The following YEATS4 variants were observed in gnomAD, a reference collection of about 807,000 sequenced individuals.
The protein encoded by YEATS4 is YEATS domain-containing protein 4.
YEATS4 carries 17 observed loss-of-function variants against 30.1 expected under a neutral mutation model. The observed-to-expected ratio is 0.56, with a 90% CI of 0.39 to 0.85. YEATS4 has a LOEUF of 0.85. YEATS4 is among the 40% of genes least tolerant of loss of function. The probability of loss-of-function intolerance (pLI) is 0.00; values close to 1 mark genes in which losing one functional copy is unlikely to be tolerated. For synonymous variants in YEATS4, 85 were observed against 87.5 expected (o/e 0.97, Z 0.16); for missense variants, 142 against 268.3 (o/e 0.53, Z 3.29).
At chr12:69,410,242 G>A in the YEATS4 span, among the ~76,000 whole-genome samples, 19,041 of 152,048 alleles carry the variant, frequency 0.13, 1,520 homozygotes, top group East Asian at 0.38. Context: ...TTTGCCATTT[G>A]CAGTCACTCC....
At chr12:69,391,478 A>G (rs1159683966), downstream of YEATS4, among the ~76,000 whole-genome samples, 1 of 152,180 alleles carries the variant, frequency 6.6e-6, no homozygotes, top group Non-Finnish European at 1.5e-5. Flanking sequence ...CTTTAAAGGT[A>G]TGTTGGCTGA....
At position 69,359,777 on chromosome 12, in the gene YEATS4, G is replaced by C. The variant is rs146022080; in HGVS notation, c.-196G>C. 2.2e-5 allele frequency: 14 copies of C among 624,044 alleles called. No individual in the cohort carries two copies. The African/African-American group carries it at 2.5e-4, about 11-fold the overall frequency. The allele number at this position is 624,044 out of a possible 1,614,324, so 38.7% of individuals were successfully genotyped here. ...CGGCGTTCTCCACCTGCGCGGGCCT[G>C]AATGGCCTTCAGGAGCACAGTCGGC... On this transcript the variant is annotated 5_prime_UTR_variant, in exon 1 of 7. Transcript: ENST00000247843.
chr12:69,400,179 C>T, the YEATS4 span, among the ~76,000 whole-genome samples: 1 of 151,834 alleles, frequency 6.6e-6, no homozygotes, highest in Non-Finnish European at 1.5e-5. Flanking sequence ...TTATGTGCCC[C>T]ATACTCAAGA....
In YEATS4 at chr12:69,390,169, C is replaced by T; in HGVS notation, c.537C>T (p.Thr179=). Residue 179 remains threonine, a synonymous_variant, in exon 7 of 7, where the codon ACC becomes ACT. Transcript: ENST00000247843. ...ETEFAELEVK[T]REKLEAAKKK... is the part of the protein sequence containing the mutation. ...TAGTTGCAGAGCTTGAAGTGAAAAC[C>T]AGAGAAAAATTAGAAGCTGCTAAGA... The T allele has an allele frequency of 6.3e-7, 1 of 1,582,730 alleles. No homozygotes were observed. Among genetic ancestry groups the T allele is most frequent in the Non-Finnish European group, 8.5e-7 (1 of 1,171,528 alleles).
chr12:69,389,120 G>T lies in YEATS4; in HGVS notation c.515-1027G>T, dbSNP rs185805187. Among the ~76,000 whole-genome samples the T allele has an allele frequency of 5.9e-5, 9 of 152,294 alleles. No homozygotes were observed. The East Asian group carries it at 1.7e-3, about 29-fold the overall frequency. On this transcript the variant is annotated intron_variant, in intron 6 of 6. Transcript: ENST00000247843. ...GTTATTGCCACCTATTTGAAAAAAA[G>T]ATATTGGCTTGTATTGATAGTGTGA...
chr12:69,391,273 G>A (rs968077069), downstream of YEATS4, among the ~76,000 whole-genome samples: 4 of 151,650 alleles, frequency 2.6e-5, no homozygotes, highest in African/African-American at 7.3e-5. Flanking sequence ...CAGCCTGGGC[G>A]GCAGAATGAG....
chr12:69,363,242 C>T (rs1875301670), intron 2 of YEATS4, among the ~76,000 whole-genome samples: 1 of 151,946 alleles, frequency 6.6e-6, no homozygotes, highest in Non-Finnish European at 1.5e-5. Context: ...ATCCACCCGC[C>T]TCGGCCTCCC....
chr12:69,363,402 C>A (rs1875310580), intron 2 of YEATS4, among the ~76,000 whole-genome samples: 1 of 152,102 alleles, frequency 6.6e-6, no homozygotes, highest in Non-Finnish European at 1.5e-5. Context: ...TCATATGATA[C>A]TAGAAATCAA....
intron 6 of YEATS4, among the ~76,000 whole-genome samples, chr12:69,374,978 C>T (rs1592853116): frequency 6.8e-6 from 1 of 147,232 alleles, no homozygotes; most frequent in South Asian, 2.1e-4. Flanking sequence ...CCCCCCACCT[C>T]CCAGACAGGG....
chr12:69,360,388 G>T (rs1263942244), intron 1 of YEATS4, among the ~76,000 whole-genome samples: 1 of 152,176 alleles, frequency 6.6e-6, no homozygotes, highest in Non-Finnish European at 1.5e-5. Flanking sequence ...CCCTCCTGGT[G>T]TGAGGATAAC....
the YEATS4 span, among the ~76,000 whole-genome samples, chr12:69,419,606 C>T: frequency 1.3e-5 from 2 of 152,088 alleles, no homozygotes; most frequent in Admixed American, 6.6e-5. Context: ...TCTTTGTATG[C>T]CAGGCCCCGG....
At chr12:69,360,164 T>C in intron 1 of YEATS4, 141 bp downstream of exon 1, 1 of 956,774 alleles carries the variant, frequency 1.0e-6, no homozygotes, top group Non-Finnish European at 1.5e-6. Context: ...GGAGAGCGAG[T>C]CAGAGCCATT....
Position 69,375,078 on chromosome 12 carries a change from C to T in YEATS4, c.514+4103C>T, listed in dbSNP as rs563360465. ...CCCACCTCCCGGAGGGGGCGGCTGC[C>T]GGGCGGAGACGCTCCTCACTTCCCT... is the stretch of plus-strand genomic sequence containing the variant. On this transcript the variant is annotated intron_variant, in intron 6 of 6. Coordinates refer to ENST00000247843, the MANE Select transcript of YEATS4 (RefSeq NM_006530.4). Among the ~76,000 whole-genome samples the T allele has an allele frequency of 6.7e-3, 1,017 of 151,040 alleles. 18 individuals are homozygous for T. Among genetic ancestry groups the T allele is most frequent in the African/African-American group, 0.023 (931 of 41,090 alleles).
chr12:69,375,726 C>T (rs911914589), intron 6 of YEATS4, among the ~76,000 whole-genome samples: 34 of 152,190 alleles, frequency 2.2e-4, no homozygotes, highest in Non-Finnish European at 1.3e-4. Flanking sequence ...CACGGCGAAA[C>T]CCCGTCTCCA....
At position 69,374,989 on chromosome 12, in the gene YEATS4, C is replaced by T. The variant is rs539391739; in HGVS notation, c.514+4014C>T. ...GGCGCCCCCCACCTCCCAGACAGGGCGGCGGCCGGGCGGGGGCTGCCCCCA... is the reference window on the plus strand; with the variant it reads ...GGCGCCCCCCACCTCCCAGACAGGGTGGCGGCCGGGCGGGGGCTGCCCCCA... On this transcript the variant is annotated intron_variant, in intron 6 of 6. Transcript: ENST00000247843. Among the ~76,000 whole-genome samples, 46 of 114,112 alleles carry T rather than the reference C, an allele frequency of 4.0e-4. No homozygotes were observed. In the East Asian group the frequency reaches 5.6e-3, roughly 14 times the overall value. 74.9% of individuals were successfully genotyped at this position (114,112 alleles called of 152,430 possible). A position where few individuals can be genotyped will look rare whatever the true frequency, so the allele number is the denominator to read the frequency against.
chr12:69,359,796 A>T lies in YEATS4; in HGVS notation c.-177A>T. Reference sequence around the variant, plus strand: ...GGGCCTGAATGGCCTTCAGGAGCACAGTCGGCCTGAGGAGTTGACGGTTAC... The same window carrying T: ...GGGCCTGAATGGCCTTCAGGAGCACTGTCGGCCTGAGGAGTTGACGGTTAC... On this transcript the variant is annotated 5_prime_UTR_variant, in exon 1 of 7. Transcript: ENST00000247843. The T allele has an allele frequency of 1.5e-6, 1 of 679,990 alleles. No individual in the cohort carries two copies. The highest frequency in any genetic ancestry group is 2.4e-6 in the Non-Finnish European group (1 of 414,500). The allele number at this position is 679,990 out of a possible 1,614,324, so 42.1% of individuals were successfully genotyped here.
At chr12:69,394,371 A>G (rs913298940), downstream of YEATS4, among the ~76,000 whole-genome samples, 1 of 152,252 alleles carries the variant, frequency 6.6e-6, no homozygotes, top group Non-Finnish European at 1.5e-5. Context: ...ATCATTAAGG[A>G]AAACAAATGA....
chr12:69,359,847 G>C lies in YEATS4; in HGVS notation c.-126G>C. ...TCACCGCCGTGAGCCCAAGTAACTCGCCCTCCTTCGGCTAGAAACCCTCCG... is the reference window on the plus strand; with the variant it reads ...TCACCGCCGTGAGCCCAAGTAACTCCCCCTCCTTCGGCTAGAAACCCTCCG... On this transcript the variant is annotated 5_prime_UTR_variant, in exon 1 of 7. Transcript: ENST00000247843. 8.6e-7 allele frequency: 1 copy of C among 1,156,842 alleles called. No homozygotes were observed. The highest frequency in any genetic ancestry group is 1.2e-6 in the Non-Finnish European group (1 of 819,466). The allele number at this position is 1,156,842 out of a possible 1,614,324, so 71.7% of individuals were successfully genotyped here.
rs1868301416 is a variant in YEATS4 at position 69,390,247 on chromosome 12, T to C, written c.615T>C (p.Arg205=). The change falls in exon 7 of 7, where the codon CGT becomes CGC. Residue 205 remains arginine (R), a synonymous_variant. Coordinates refer to ENST00000247843, the MANE Select transcript of YEATS4 (RefSeq NM_006530.4). ...AELKERLKAS[R]ETINCLKNEI... is the part of the protein sequence containing the mutation. The stretch of plus-strand genomic sequence containing the variant: ...TTAAGGAGAGATTAAAAGCAAGTCG[T>C]GAAACTATAAATTGTTTAAAAAATG... 1 of 1,602,258 alleles carries C rather than the reference T, an allele frequency of 6.2e-7. No homozygotes were observed. The highest frequency in any genetic ancestry group is 8.5e-7 in the Non-Finnish European group (1 of 1,177,152).
Sources: gnomAD v4.1 joint callset for allele counts (sites outside exome capture counted in the v4.1 genomes callset) on GRCh38, gnomAD v4.1.1 for gene constraint, MANE v1.5 for transcripts, NCBI Gene and HGNC (gene_info 2026-07-23, HGNC 2026-07-21) for gene names.